The following CNKSR3 variants were observed in gnomAD, a reference collection of about 807,000 sequenced individuals.
CNKSR3 encodes the protein connector enhancer of kinase suppressor of ras 3.
A neutral mutation model predicts 67.7 loss-of-function variants in CNKSR3; 36 were observed. The observed-to-expected ratio is 0.53, with a 90% CI of 0.41 to 0.70. The LOEUF (loss-of-function observed/expected upper bound fraction) is 0.70. Among genes scored for constraint, CNKSR3 ranks in the 30% least tolerant of loss-of-function variants. CNKSR3 has a pLI of 0.00. For synonymous variants in CNKSR3, 281 were observed against 271.4 expected (o/e 1.04, Z -0.35); for missense variants, 630 against 695.2 (o/e 0.91, Z 1.05).
At chr6:154,419,032 CTT>C (rs548152585) in intron 9 of CNKSR3, among the ~76,000 whole-genome samples, 2 of 122,152 alleles carry the variant, frequency 1.6e-5, no homozygotes, top group African/African-American at 3.1e-5. Context: ...TACTCTCTTG[CTT>C]TTTTTTTTTT....
chr6:154,417,283 G>C (rs371286105), intron 9 of CNKSR3, among the ~76,000 whole-genome samples: 1 of 152,332 alleles, frequency 6.6e-6, no homozygotes, highest in South Asian at 2.1e-4. Flanking sequence ...GGCTTGGAAA[G>C]ATTACATACC....
chr6:154,472,981 C>G (rs961211833), intron 1 of CNKSR3, among the ~76,000 whole-genome samples: 2 of 152,128 alleles, frequency 1.3e-5, no homozygotes, highest in Non-Finnish European at 2.9e-5. Flanking sequence ...GGAGGGCCTG[C>G]TGGTCAGTGG....
At chr6:154,412,175 G>A (rs1465202256) in intron 10 of CNKSR3, among the ~76,000 whole-genome samples, 2 of 152,140 alleles carry the variant, frequency 1.3e-5, no homozygotes, top group African/African-American at 4.8e-5. Flanking sequence ...ATTCCCAGGT[G>A]GGATGGCATC....
intron 4 of CNKSR3, among the ~76,000 whole-genome samples, chr6:154,435,814 C>A (rs1246841040): frequency 2.0e-5 from 3 of 152,268 alleles, no homozygotes; most frequent in African/African-American, 7.2e-5. Context: ...TTCTCAGGAA[C>A]TGAGCAGTCT....
In CNKSR3 at chr6:154,406,616, C is replaced by A; in HGVS notation, c.1406G>T (p.Arg469Leu). The change falls in exon 13 of 13, where the codon CGG becomes CTG. Residue 469 changes from arginine (R) to leucine (L), a missense_variant. Arg to Leu is a moderately radical substitution (Grantham distance 102). Transcript: ENST00000607772. ...DALCRYFSNE[R>L]IPPIIEESSS... is the part of the protein sequence containing the mutation. ...GCTCTCTTCAATGATCGGAGGAATC[C>A]GCTCGTTACTGAAATACCGGCAAAG... 1 of 1,613,870 alleles carries A rather than the reference C, an allele frequency of 6.2e-7. No homozygotes were observed. The highest frequency in any genetic ancestry group is 8.5e-7 in the Non-Finnish European group (1 of 1,179,804).
rs1253551345 is a variant in CNKSR3, at chr6:154,391,092, C to G, written c.*15262G>C. The G allele has an allele frequency of 6.6e-6, 1 of 152,224 alleles. No homozygotes were observed. The highest frequency in any genetic ancestry group is 1.5e-5 in the Non-Finnish European group (1 of 68,118). The allele number at this position is 152,224 out of a possible 1,614,324, so 9.4% of individuals were successfully genotyped here. ...CTAGGATTACAAGCGGGAGCCATCG[C>G]GCCCGGCCTGACGCCTCTTTCTTTA... is the stretch of plus-strand genomic sequence containing the variant. On this transcript the variant is annotated 3_prime_UTR_variant, in exon 13 of 13. Transcript: ENST00000607772.
chr6:154,453,495 G>A (rs1582873524), intron 1 of CNKSR3, among the ~76,000 whole-genome samples: 2 of 152,296 alleles, frequency 1.3e-5, no homozygotes, highest in African/African-American at 4.8e-5. Flanking sequence ...ATAATCACAA[G>A]TTCCCTGAGA....
At chr6:154,486,431 G>A (rs1786667503) in intron 1 of CNKSR3, among the ~76,000 whole-genome samples, 1 of 150,094 alleles carries the variant, frequency 6.7e-6, no homozygotes, top group Non-Finnish European at 1.5e-5. Context: ...TGGGTAGCTG[G>A]GATTACAGGC....
chr6:154,472,148 C>A (rs1246706722), intron 1 of CNKSR3, among the ~76,000 whole-genome samples: 2 of 152,160 alleles, frequency 1.3e-5, no homozygotes, highest in African/African-American at 4.8e-5. Context: ...GCTTTACTGA[C>A]AGAACTGGCC....
chr6:154,461,864 C>T (rs867298937), intron 1 of CNKSR3, among the ~76,000 whole-genome samples: 23 of 152,094 alleles, frequency 1.5e-4, no homozygotes, highest in African/African-American at 3.9e-4. Flanking sequence ...CATGGGCTTG[C>T]GAGATTTGGA....
intron 1 of CNKSR3, among the ~76,000 whole-genome samples, chr6:154,474,481 A>G (rs1369551925): frequency 2.0e-5 from 3 of 152,028 alleles, no homozygotes; most frequent in African/African-American, 7.2e-5. Flanking sequence ...AATATTAGCT[A>G]TTATTGTTCT....
Position 154,414,395 on chromosome 6 carries a change from G to T in CNKSR3, c.974C>A (p.Ser325Tyr), listed in dbSNP as rs141020573. The T allele has an allele frequency of 1.0e-5, 16 of 1,605,436 alleles. No homozygotes were observed. In the South Asian group the frequency reaches 1.7e-4, roughly 17 times the overall value. The change falls in exon 10 of 13, where the codon TCC becomes TAC. Residue 325 changes from serine to tyrosine, a missense_variant. Physicochemically the swap from Ser to Tyr is moderately radical, Grantham distance 144. Around this residue, in one of 3 missense-constraint regions of CNKSR3, gnomAD observed 308 missense variants for 299.6 expected, o/e 1.03. Transcript: ENST00000607772. ...QTSPPPATTQ[S>Y]PESTMDTSLK... is the part of the protein sequence containing the mutation. ...TGAGGTATCCATAGTGCTTTCAGGG[G>T]ACTGGGTTGTCGCGGGTGGAGGTGA... is the stretch of plus-strand genomic sequence containing the variant.
At chr6:154,479,408 C>T (rs559896498) in intron 1 of CNKSR3, among the ~76,000 whole-genome samples, 2 of 152,250 alleles carry the variant, frequency 1.3e-5, no homozygotes, top group East Asian at 1.9e-4. Context: ...GCCCAAGCCA[C>T]GCTGACAGCT....
chr6:154,450,896 A>AAGAG (rs569969460), intron 1 of CNKSR3, among the ~76,000 whole-genome samples: 15 of 152,348 alleles, frequency 9.8e-5, no homozygotes, highest in African/African-American at 3.6e-4. Flanking sequence ...CCATTTGAGA[A>AAGAG]AGAGAGAGAG....
At chr6:154,431,739 A>G (rs1362288262) in intron 5 of CNKSR3, among the ~76,000 whole-genome samples, 1 of 152,212 alleles carries the variant, frequency 6.6e-6, no homozygotes, top group East Asian at 1.9e-4. Context: ...TAGAAAGTCA[A>G]ATAGTCAGAA....
chr6:154,422,527 C>T lies in CNKSR3; in HGVS notation c.924G>A (p.Arg308=), dbSNP rs751537312. The T allele has an allele frequency of 1.9e-6, 3 of 1,614,128 alleles. No individual in the cohort carries two copies. The highest frequency in any genetic ancestry group is 2.5e-6 in the Non-Finnish European group (3 of 1,180,018). Reference sequence around the variant, plus strand: ...ATACCTGTACAAGAGGTGGCTTCCACCGTAGGTTTTTCAGGGGAGCAGGAG... The same window carrying T: ...ATACCTGTACAAGAGGTGGCTTCCATCGTAGGTTTTTCAGGGGAGCAGGAG... ...NFTPAPLKNL[R]WKPPLVQTSP... The change falls in exon 9 of 13, where the codon CGG becomes CGA. Residue 308 remains arginine (R), a synonymous_variant. Transcript: ENST00000607772.
chr6:154,472,278 C>T (rs1245258578), intron 1 of CNKSR3, among the ~76,000 whole-genome samples: 1 of 152,214 alleles, frequency 6.6e-6, no homozygotes, highest in Non-Finnish European at 1.5e-5. Context: ...CAGCCAGTGA[C>T]AGCATATTTG....
Position 154,422,956 on chromosome 6 carries a change from G to T in CNKSR3, c.757C>A (p.His253Asn). The T allele has an allele frequency of 6.2e-7, 1 of 1,612,954 alleles. No individual in the cohort carries two copies. The highest frequency in any genetic ancestry group is 8.5e-7 in the Non-Finnish European group (1 of 1,179,270). ...NSPADRSQKI[H>N]AGDEVIQVNQ... ...ACTTGAATGACTTCGTCACCAGCATGAATCTTCTGAGATCTGTCTGCAGGA... is the reference window on the plus strand; with the variant it reads ...ACTTGAATGACTTCGTCACCAGCATTAATCTTCTGAGATCTGTCTGCAGGA... Residue 253 changes from histidine (H) to asparagine (N), a missense_variant, in exon 8 of 13, where the codon CAT (histidine) becomes AAT (asparagine). This residue lies in a region of CNKSR3 where 133 missense variants were observed against 190.6 expected (regional missense o/e 0.70). Transcript: ENST00000607772.
At chr6:154,490,014 C>A (rs770555877) in intron 1 of CNKSR3, among the ~76,000 whole-genome samples, 2 of 152,160 alleles carry the variant, frequency 1.3e-5, no homozygotes, top group African/African-American at 2.4e-5. Flanking sequence ...CATCATGGCT[C>A]CCCTTTCCTC....
Sources: allele counts gnomAD v4.1 joint callset (sites outside exome capture counted in the v4.1 genomes callset), GRCh38; gene constraint gnomAD v4.1.1; regional missense constraint gnomAD v4.1.1; transcripts MANE v1.5; gene names NCBI Gene and HGNC (gene_info 2026-07-23, HGNC 2026-07-21).